PFDN1: variants seen among roughly 807,000 people sequenced by gnomAD.
The protein encoded by PFDN1 is prefoldin subunit 1, also known as prefoldin 1.
PFDN1 carries 6 observed loss-of-function variants against 17.3 expected under a neutral mutation model. The observed-to-expected ratio is 0.35, with a 90% CI of 0.19 to 0.69. The LOEUF (loss-of-function observed/expected upper bound fraction) is 0.69, where lower values mean the gene tolerates loss of function less well. Ranked by LOEUF, PFDN1 falls within the 30% of genes least tolerant of loss-of-function variation. The probability of loss-of-function intolerance (pLI) is 0.65; values close to 1 mark genes in which losing one functional copy is unlikely to be tolerated. For synonymous variants in PFDN1, 58 were observed against 50.1 expected, an observed-to-expected ratio of 1.16 and a Z score of -0.67; for missense variants, 113 against 146.2, an observed-to-expected ratio of 0.77 and a Z score of 1.17.
chr5:140,251,579 T>C (rs1013770059), intron 3 of PFDN1, among the ~76,000 whole-genome samples: 11 of 152,212 alleles, frequency 7.2e-5, no homozygotes, highest in African/African-American at 2.7e-4. Flanking sequence ...TCTGCTGATC[T>C]CACTGTAGCA....
intron 2 of PFDN1, chr5:140,292,843 A>G (rs1765598746): frequency 6.6e-6 from 1 of 152,170 alleles, no homozygotes; most frequent in South Asian, 2.1e-4. Flanking sequence ...TTATAAATAA[A>G]AAAGAATGAC....
intron 3 of PFDN1, chr5:140,273,825 T>C (rs1378813083): frequency 2.6e-6 from 2 of 762,022 alleles, no homozygotes; most frequent in Non-Finnish European, 3.2e-6. Flanking sequence ...GTGGTAACCA[T>C]GTTGGAGACA....
At chr5:140,286,425 A>G (rs374880998) in intron 2 of PFDN1, among the ~76,000 whole-genome samples, 20 of 150,984 alleles carry the variant, frequency 1.3e-4, no homozygotes, top group African/African-American at 2.9e-4. Context: ...AAAAAAAAAA[A>G]AAAAGAAAAG....
chr5:140,272,848 T>C (rs1765229675), intron 3 of PFDN1, among the ~76,000 whole-genome samples: 1 of 152,194 alleles, frequency 6.6e-6, no homozygotes, highest in South Asian at 2.1e-4. Flanking sequence ...GATTAAGCTA[T>C]AAATGTTATT....
At chr5:140,301,433 T>C (rs1765744745) in intron 1 of PFDN1, among the ~76,000 whole-genome samples, 1 of 152,234 alleles carries the variant, frequency 6.6e-6, no homozygotes. Context: ...GACTTTCACA[T>C]GCTGTTAAAT....
intron 2 of PFDN1, among the ~76,000 whole-genome samples, chr5:140,285,294 G>A (rs1004588424): frequency 6.6e-6 from 1 of 150,394 alleles, no homozygotes; most frequent in Non-Finnish European, 1.5e-5. Context: ...TTTGCAGTGA[G>A]CCGAGATCGC....
intron 3 of PFDN1, among the ~76,000 whole-genome samples, chr5:140,276,725 G>A (rs949997263): frequency 3.8e-5 from 5 of 132,848 alleles, no homozygotes; most frequent in Non-Finnish European, 1.5e-5. Flanking sequence ...AGGTTGCTGT[G>A]AGCCAAGATA....
intron 3 of PFDN1, among the ~76,000 whole-genome samples, chr5:140,260,885 G>A (rs888356998): frequency 1.3e-4 from 19 of 151,884 alleles, no homozygotes; most frequent in Non-Finnish European, 2.5e-4. Flanking sequence ...ACACGGGCCG[G>A]GCACAATGGC....
At chr5:140,256,465 T>A (rs1581082488) in intron 3 of PFDN1, among the ~76,000 whole-genome samples, 2 of 152,130 alleles carry the variant, frequency 1.3e-5, no homozygotes, top group East Asian at 3.9e-4. Flanking sequence ...TCCAACCCTA[T>A]ATCCCCTTAA....
rs182792614 is a variant in PFDN1, at chr5:140,287,340, A to C, written c.201-5807T>G. On this transcript the variant is annotated intron_variant, in intron 2 of 3. Coordinates refer to ENST00000261813, the MANE Select transcript of PFDN1 (RefSeq NM_002622.5). ...CTCACAATCAGCTTAGTATGTGTAC[A>C]GTGATGAACAGACACAGAAACAACT... 7.6e-3 allele frequency among the ~76,000 whole-genome samples: 1,153 copies of C among 152,372 alleles called. 13 individuals carry two copies. Among genetic ancestry groups the C allele is most frequent in the African/African-American group, 0.023 (974 of 41,588 alleles).
chr5:140,250,350 C>T (rs750033851), intron 3 of PFDN1, among the ~76,000 whole-genome samples: 5 of 152,206 alleles, frequency 3.3e-5, no homozygotes, highest in Non-Finnish European at 7.3e-5. Context: ...CTTTGCCCTT[C>T]GCTGTGCTCT....
intron 3 of PFDN1, among the ~76,000 whole-genome samples, chr5:140,260,353 C>T (rs925751648): frequency 4.7e-5 from 7 of 148,660 alleles, no homozygotes; most frequent in African/African-American, 1.7e-4. Context: ...CCATATGAGC[C>T]AGCTAATCCA....
chr5:140,271,923 C>CAT (rs947658867), intron 3 of PFDN1, among the ~76,000 whole-genome samples: 18 of 148,904 alleles, frequency 1.2e-4, no homozygotes, highest in African/African-American at 4.2e-4. Flanking sequence ...TATACACACA[C>CAT]ATATATATAC....
intron 2 of PFDN1, among the ~76,000 whole-genome samples, chr5:140,295,431 A>C (rs1211303419): frequency 6.6e-6 from 1 of 152,178 alleles, no homozygotes; most frequent in African/African-American, 2.4e-5. Flanking sequence ...TGCATGCTAG[A>C]AAGATGCAAA....
intron 2 of PFDN1, chr5:140,293,127 C>G (rs1459483652): frequency 1.3e-5 from 2 of 152,080 alleles, no homozygotes; most frequent in African/African-American, 4.8e-5. Flanking sequence ...CACAATTCCT[C>G]AGTGACAAAG....
chr5:140,299,945 G>A (rs773718279), intron 2 of PFDN1, among the ~76,000 whole-genome samples: 30 of 152,136 alleles, frequency 2.0e-4, no homozygotes, highest in Non-Finnish European at 3.2e-4. Context: ...CCAGGAGACG[G>A]AGATTGCAGT....
At chr5:140,262,467 A>G (rs1199240412) in intron 3 of PFDN1, 1 of 452,956 alleles carries the variant, frequency 2.2e-6, no homozygotes, top group African/African-American at 2.0e-5. Context: ...CACCAAGTTC[A>G]TGAGATGGCT....
intron 3 of PFDN1, among the ~76,000 whole-genome samples, chr5:140,276,967 C>A (rs1455575343): frequency 6.6e-6 from 1 of 151,948 alleles, no homozygotes; most frequent in Admixed American, 6.6e-5. Context: ...CACCTATAAT[C>A]CTAGCACTTT....
At chr5:140,268,450 T>A (rs1243550438) in intron 3 of PFDN1, among the ~76,000 whole-genome samples, 5 of 152,004 alleles carry the variant, frequency 3.3e-5, no homozygotes, top group Admixed American at 3.3e-4. Context: ...GAGTTCAAGA[T>A]CAGCCTGGCC....
Sources: allele counts gnomAD v4.1 joint callset (sites outside exome capture counted in the v4.1 genomes callset), GRCh38; gene constraint gnomAD v4.1.1; transcripts MANE v1.5; gene names NCBI Gene and HGNC (gene_info 2026-07-23, HGNC 2026-07-21).